Variants in MYLK observed in about 807,000 individuals in gnomAD.
MYLK encodes myosin light chain kinase, smooth muscle.
Under a neutral mutation model 203.4 loss-of-function variants are expected in MYLK, and 106 were observed. The observed-to-expected ratio is 0.52, with a 90% CI of 0.45 to 0.61. The LOEUF (loss-of-function observed/expected upper bound fraction) is 0.61. Among genes scored for constraint, MYLK ranks in the 20% least tolerant of loss-of-function variants. The pLI, the probability that MYLK is intolerant of heterozygous loss-of-function variation, is 0.00. For missense variants in MYLK, 2,072 were observed against 2,442.3 expected (o/e 0.85, Z 3.20); for synonymous variants, 867 against 959.5 (o/e 0.90, Z 1.78).
chr3:123,743,224 T>C (rs543790258), intron 5 of MYLK, among the ~76,000 whole-genome samples: 1 of 152,342 alleles, frequency 6.6e-6, no homozygotes, highest in South Asian at 2.1e-4. Context: ...AATTCCTTTC[T>C]TCCTTAAAAA....
At chr3:123,806,385 C>T (rs979941154) in intron 3 of MYLK, among the ~76,000 whole-genome samples, 8 of 152,044 alleles carry the variant, frequency 5.3e-5, no homozygotes, top group South Asian at 2.1e-4. Context: ...GCAGGTGAGC[C>T]GTCTGTATAG....
At chr3:123,690,377 T>C (rs1170336799) in intron 19 of MYLK, among the ~76,000 whole-genome samples, 1 of 152,200 alleles carries the variant, frequency 6.6e-6, no homozygotes, top group East Asian at 1.9e-4. Context: ...AGAAAGATGC[T>C]CCAACCCACA....
chr3:123,803,970 A>G (rs2065282464), intron 3 of MYLK, among the ~76,000 whole-genome samples: 1 of 152,180 alleles, frequency 6.6e-6, no homozygotes, highest in Admixed American at 6.5e-5. Context: ...AAGGAGAAAA[A>G]GAGAGAACTA....
chr3:123,630,100 G>A (rs1362155054), intron 29 of MYLK, among the ~76,000 whole-genome samples: 6 of 152,070 alleles, frequency 3.9e-5, no homozygotes, highest in East Asian at 1.9e-4. Context: ...AAGAGGGCCC[G>A]GCAAATAAGA....
intron 29 of MYLK, among the ~76,000 whole-genome samples, chr3:123,637,568 G>A (rs1278227091): frequency 6.6e-6 from 1 of 152,116 alleles, no homozygotes; most frequent in African/African-American, 2.4e-5. Flanking sequence ...TTGAAGGCTC[G>A]ATCATCAATA....
rs760586409 is a variant in MYLK, at chr3:123,707,970, C to A, written c.2174G>T (p.Ser725Ile). Residue 725 changes from serine to isoleucine, a missense_variant, in exon 16 of 34, where the codon AGT becomes ATT. By Grantham distance (142) the Ser-to-Ile change is moderately radical. Transcript: ENST00000360304. Reference protein sequence around the residue: ...PHDGTQPWFISKPRSVTASLG... With the variant: ...PHDGTQPWFIIKPRSVTASLG... The stretch of plus-strand genomic sequence containing the variant: ...GGAGGCTGTCACTGAGCGAGGCTTA[C>A]TGATGAACCAGGGCTGGGTGCCATC... The A allele has an allele frequency of 6.2e-7, 1 of 1,614,154 alleles. No homozygotes were observed. Among genetic ancestry groups the A allele is most frequent in the Non-Finnish European group, 8.5e-7 (1 of 1,180,030 alleles).
intron 19 of MYLK, chr3:123,692,141 A>C: frequency 4.5e-6 from 1 of 222,176 alleles, no homozygotes; most frequent in Non-Finnish European, 8.0e-6. Context: ...CCTAACACAG[A>C]AACTCCGCTA....
rs754479443 is a variant in MYLK at position 123,737,489 on chromosome 3, T to C, written c.643A>G (p.Met215Val). The change falls in exon 8 of 34, where the codon ATG becomes GTG. Residue 215 changes from methionine to valine, a missense_variant. Met to Val is a conservative substitution (Grantham distance 21). Coordinates refer to ENST00000360304, the MANE Select transcript of MYLK (RefSeq NM_053025.4). ...ACTCCATGGATTTCCAGAACCTGCA[T>C]GCCGTTCTTCTCAGACACAGACACA... Reference protein sequence around the residue: ...ARVSVSEKNGMQVLEIHGVNQ... With the variant: ...ARVSVSEKNGVQVLEIHGVNQ... The C allele has an allele frequency of 8.1e-6, 13 of 1,614,222 alleles. No homozygotes were observed. The highest frequency in any genetic ancestry group is 6.7e-5 in the Admixed American group (4 of 60,032).
intron 4 of MYLK, among the ~76,000 whole-genome samples, chr3:123,772,516 C>T: frequency 6.6e-6 from 1 of 151,878 alleles, no homozygotes; most frequent in East Asian, 1.9e-4. Flanking sequence ...TTAGAGATTC[C>T]AGGCATGACA....
chr3:123,834,292 T>C (rs1328204834), intron 2 of MYLK, among the ~76,000 whole-genome samples: 2 of 152,290 alleles, frequency 1.3e-5, no homozygotes, highest in African/African-American at 2.4e-5. Context: ...GCAATCCACA[T>C]GCCTCGGCCT....
At chr3:123,714,894 CCCAAGCAGATTGCTG>C (rs1275037814) in intron 13 of MYLK, among the ~76,000 whole-genome samples, 4 of 152,080 alleles carry the variant, frequency 2.6e-5, no homozygotes, top group Non-Finnish European at 5.9e-5. Flanking sequence ...TAAGAATAAG[CCCAAGCAGATTGCTG>C]ACAAGTAAAA....
intron 2 of MYLK, among the ~76,000 whole-genome samples, chr3:123,835,649 C>T (rs999097167): frequency 6.6e-6 from 1 of 152,108 alleles, no homozygotes; most frequent in African/African-American, 2.4e-5. Context: ...TCAGAAGCAG[C>T]CTCAGAAGCA....
At position 123,626,817 on chromosome 3, in the gene MYLK, C is replaced by T; in HGVS notation, c.5238+1G>A. On this transcript the variant is annotated splice_donor_variant, in intron 31 of 33. Transcript: ENST00000360304. LOFTEE classifies it high-confidence loss of function. The stretch of plus-strand genomic sequence containing the variant: ...CCAGTCCAAAGTGACCCTCTCATTA[C>T]CTGCCATTTCCTTCTTGCCATGTAC... 1 of 1,614,204 alleles carries T rather than the reference C, an allele frequency of 6.2e-7. No individual in the cohort carries two copies. The highest frequency in any genetic ancestry group is 8.5e-7 in the Non-Finnish European group (1 of 1,180,012).
At chr3:123,679,817 G>A (rs536737835) in intron 20 of MYLK, among the ~76,000 whole-genome samples, 4 of 152,154 alleles carry the variant, frequency 2.6e-5, no homozygotes, top group African/African-American at 9.6e-5. Context: ...TGCCTTGTTC[G>A]GCTCTCTGGG....
intron 3 of MYLK, among the ~76,000 whole-genome samples, chr3:123,795,274 T>C (rs140783062): frequency 6.6e-6 from 1 of 152,342 alleles, no homozygotes; most frequent in African/African-American, 2.4e-5. Flanking sequence ...ATATCCATCA[T>C]ATTGATGTAT....
Position 123,701,114 on chromosome 3 carries a change from G to A in MYLK, c.2463-109C>T, listed in dbSNP as rs760684630. On this transcript the variant is annotated intron_variant, in intron 17 of 33. Transcript: ENST00000360304. ...TGAGGGTGGGAGGGTAGAGGGGAGC[G>A]GGAGGGGATGGGGGAGGCCGGCCAG... 74 of 1,400,494 alleles carry A rather than the reference G, an allele frequency of 5.3e-5. 1 individual carries two copies. The highest frequency in any genetic ancestry group is 6.8e-5 in the Non-Finnish European group (70 of 1,025,332). 86.8% of individuals were successfully genotyped at this position (1,400,494 alleles called of 1,614,324 possible).
At chr3:123,738,132 T>G (rs942235800) in intron 7 of MYLK, among the ~76,000 whole-genome samples, 1 of 150,550 alleles carries the variant, frequency 6.6e-6, no homozygotes, top group African/African-American at 2.4e-5. Context: ...TATTTTGAGG[T>G]AGGTGGTATT....
intron 33 of MYLK, among the ~76,000 whole-genome samples, chr3:123,615,100 C>A (rs1028736264): frequency 6.6e-6 from 1 of 150,912 alleles, no homozygotes; most frequent in Admixed American, 6.6e-5. Flanking sequence ...CAGGTGTGAG[C>A]CACCACACCC....
chr3:123,740,010 A>G lies in MYLK; in HGVS notation c.374-9T>C, dbSNP rs376695367. The G allele has an allele frequency of 6.0e-5, 97 of 1,613,696 alleles. No homozygotes were observed. Among genetic ancestry groups the G allele is most frequent in the Non-Finnish European group, 8.1e-5 (95 of 1,179,724 alleles). On this transcript the variant is annotated splice_polypyrimidine_tract_variant and intron_variant, in intron 5 of 33. Coordinates refer to ENST00000360304, the MANE Select transcript of MYLK (RefSeq NM_053025.4). ...CTGCTTCGCAAAACTTCCTGCAAGAAAAAGAGTTGATGAGTCAGGTCTGAG... is the reference window on the plus strand; with the variant it reads ...CTGCTTCGCAAAACTTCCTGCAAGAGAAAGAGTTGATGAGTCAGGTCTGAG...
Sources: allele counts gnomAD v4.1 joint callset (sites outside exome capture counted in the v4.1 genomes callset), GRCh38; gene constraint gnomAD v4.1.1; transcripts MANE v1.5; gene names NCBI Gene and HGNC (gene_info 2026-07-23, HGNC 2026-07-21).